Variants in HPS4 observed in about 807,000 individuals in gnomAD.
HPS4 encodes BLOC-3 complex member HPS4.
In HPS4, 44 loss-of-function variants were observed where a neutral mutation model predicts 70.3. The observed-to-expected ratio is 0.63, with a 90% CI of 0.49 to 0.80. HPS4 has a LOEUF of 0.80. Among genes scored for constraint, HPS4 ranks in the 30% least tolerant of loss-of-function variants. The probability of loss-of-function intolerance (pLI) is 0.00; values close to 1 mark genes in which losing one functional copy is unlikely to be tolerated. For missense variants in HPS4, 873 were observed against 884.4 expected (o/e 0.99, Z 0.16); for synonymous variants, 377 against 355.9 (o/e 1.06, Z -0.67).
At chr22:26,479,478 C>A in intron 2 of HPS4, 123 bp from the exon 3 acceptor site, 1 of 1,492,810 alleles carries the variant, frequency 6.7e-7, no homozygotes, top group Non-Finnish European at 8.9e-7. Flanking sequence ...CTTCAGGTGG[C>A]CCCAGAGAAT....
chr22:26,457,695 C>T (rs890212904), intron 13 of HPS4, among the ~76,000 whole-genome samples, 164 bp downstream of exon 13: 5 of 152,196 alleles, frequency 3.3e-5, no homozygotes, highest in Admixed American at 3.3e-4. Flanking sequence ...GACTGCACAA[C>T]AGTGGATGAT....
intron 13 of HPS4, 40 bp downstream of exon 13, chr22:26,457,819 C>T (rs1176911581): frequency 6.7e-7 from 1 of 1,485,490 alleles, no homozygotes; most frequent in Non-Finnish European, 9.4e-7. Flanking sequence ...ATGAGCAGGA[C>T]CGTGGAGAGT....
In HPS4 at chr22:26,465,554, G is replaced by A. The variant is rs766777074; in HGVS notation, c.707-3C>T. ...GACATTCGGGGGCAATGCCGCTCCTGGAATTGCAAAGCAATATGAACAGGA... is the reference window on the plus strand; with the variant it reads ...GACATTCGGGGGCAATGCCGCTCCTAGAATTGCAAAGCAATATGAACAGGA... On this transcript the variant is annotated splice_region_variant and splice_polypyrimidine_tract_variant and intron_variant, in intron 9 of 13. Transcript: ENST00000398145. 1.2e-6 allele frequency: 2 copies of A among 1,612,698 alleles called. No individual in the cohort carries two copies. Among genetic ancestry groups the A allele is most frequent in the East Asian group, 2.2e-5 (1 of 44,864 alleles).
chr22:26,454,665 G>A (rs1474171997), intron 13 of HPS4, among the ~76,000 whole-genome samples: 1 of 152,158 alleles, frequency 6.6e-6, no homozygotes, highest in East Asian at 1.9e-4. Flanking sequence ...CAGGACATAG[G>A]CATGGCCAAG....
chr22:26,453,352 AAT>A lies in HPS4; in HGVS notation c.2006_2007del (p.Tyr669PhefsTer62), dbSNP rs1569007552. Reference sequence around the variant, plus strand: ...CGTGCTGCAGGTGCCAGCTGCTGGAAATATGTCTCCTGGATGGGGTTGCAACA... The same window carrying A: ...CGTGCTGCAGGTGCCAGCTGCTGGAAATGTCTCCTGGATGGGGTTGCAACA... ...YACCNPIQET[Y>X]FQQLAPAARS... On this transcript the variant is annotated frameshift_variant, in exon 14 of 14. Transcript: ENST00000398145. LOFTEE classifies it high-confidence loss of function. 4 of 1,614,174 alleles carry A rather than the reference AAT, an allele frequency of 2.5e-6. No homozygotes were observed. The highest frequency in any genetic ancestry group is 3.4e-6 in the Non-Finnish European group (4 of 1,180,048).
intron 8 of HPS4, 83 bp from the exon 9 acceptor site, chr22:26,466,345 T>C (rs1569077120): frequency 6.6e-7 from 1 of 1,514,728 alleles, no homozygotes; most frequent in East Asian, 2.3e-5. Flanking sequence ...CTGTGCCATC[T>C]GTTCATAAAA....
rs778229695 is a variant in HPS4 at position 26,472,897 on chromosome 22, G to A, written c.319C>T (p.Arg107Trp). Residue 107 changes from arginine (R) to tryptophan (W), a missense_variant, in exon 5 of 14, where the codon CGG becomes TGG. By Grantham distance (101) the Arg-to-Trp change is moderately radical. Transcript: ENST00000398145. ...AATCCAACTAGCTGATCCAGAAACC[G>A]CTTGCAGCTGACATCAGGGAGCTCC... Reference protein sequence around the residue: ...AVELPDVSCKRFLDQLVGFFN... With the variant: ...AVELPDVSCKWFLDQLVGFFN... 61 of 1,614,024 alleles carry A rather than the reference G, an allele frequency of 3.8e-5. No homozygotes were observed. The highest frequency in any genetic ancestry group is 4.7e-5 in the Non-Finnish European group (55 of 1,180,036).
Position 26,453,400 on chromosome 22 carries a change from C to T in HPS4, c.1960G>A (p.Ala654Thr), listed in dbSNP as rs201206642. The change falls in exon 14 of 14, where the codon GCC becomes ACC. Residue 654 changes from alanine (A) to threonine (T), a missense_variant. Transcript: ENST00000398145. ...PALYEMTVRN[A>T]STAVYACCNP... is the part of the protein sequence containing the mutation. ...CAACAGGCGTACACAGCCGTGGAGG[C>T]ATTTCTGTTGGAGGAAGAAAGAAGG... 3 of 1,613,926 alleles carry T rather than the reference C, an allele frequency of 1.9e-6. No homozygotes were observed. The highest frequency in any genetic ancestry group is 2.5e-6 in the Non-Finnish European group (3 of 1,180,036).
rs2085402559 is a variant in HPS4 at position 26,452,671 on chromosome 22, CA to C, written c.*561del. The C allele has an allele frequency of 4.0e-6, 1 of 249,252 alleles. No homozygotes were observed. Among genetic ancestry groups the C allele is most frequent in the South Asian group, 4.6e-5 (1 of 21,870 alleles). 15.4% of individuals were successfully genotyped at this position (249,252 alleles called of 1,614,324 possible). On this transcript the variant is annotated 3_prime_UTR_variant, in exon 14 of 14. Coordinates refer to ENST00000398145, the MANE Select transcript of HPS4 (RefSeq NM_022081.6). Reference sequence around the variant, plus strand: ...GAGTAGAGTTCCAACAGAATTCAACCAAGTGGTCTCCGTGTGCTGCCGCTTC... The same window carrying C: ...GAGTAGAGTTCCAACAGAATTCAACCAGTGGTCTCCGTGTGCTGCCGCTTC...
Position 26,452,160 on chromosome 22 carries a change from C to A in HPS4, c.*1073G>T. On this transcript the variant is annotated 3_prime_UTR_variant, in exon 14 of 14. Coordinates refer to ENST00000398145, the MANE Select transcript of HPS4 (RefSeq NM_022081.6). ...GAAGCTTGTTTCAAGAAAAAGACAC[C>A]ATATCATAAACATCAGATATCAGTT... 3.0e-6 allele frequency: 1 copy of A among 328,488 alleles called. No homozygotes were observed. The highest frequency in any genetic ancestry group is 2.4e-5 in the South Asian group (1 of 42,446). 20.3% of individuals were successfully genotyped at this position (328,488 alleles called of 1,614,324 possible).
At chr22:26,466,054 T>C in intron 9 of HPS4, 172 bp downstream of exon 9, 4 of 1,545,400 alleles carry the variant, frequency 2.6e-6, no homozygotes, top group Non-Finnish European at 3.5e-6. Flanking sequence ...GCTTTACCAT[T>C]AGGGTTCTGG....
chr22:26,463,097 C>T (rs2087651563), intron 11 of HPS4, among the ~76,000 whole-genome samples: 1 of 152,202 alleles, frequency 6.6e-6, no homozygotes, highest in African/African-American at 2.4e-5. Context: ...GCAATTTCAA[C>T]CTGCTGTTCT....
In HPS4 at chr22:26,463,736, C is replaced by G. The variant is rs117069753; in HGVS notation, c.1713+181G>C. Among the ~76,000 whole-genome samples the G allele has an allele frequency of 3.4e-3, 511 of 152,356 alleles. 14 individuals are homozygous for G. In the East Asian group the frequency reaches 0.062, roughly 18 times the overall value. On this transcript the variant is annotated intron_variant, in intron 11 of 13. Coordinates refer to ENST00000398145, the MANE Select transcript of HPS4 (RefSeq NM_022081.6). ...ATGCGCTTGACTCACTCTTACCCCC[C>G]ACAAAAACCCACAGAGGCAGGTAAT... is the stretch of plus-strand genomic sequence containing the variant.
intron 11 of HPS4, among the ~76,000 whole-genome samples, chr22:26,463,439 G>C (rs2087731890): frequency 6.6e-6 from 1 of 152,192 alleles, no homozygotes; most frequent in Non-Finnish European, 1.5e-5. Flanking sequence ...CATGAGCAGG[G>C]GCGGCACAAC....
chr22:26,463,202 A>C (rs1371647814), intron 11 of HPS4, among the ~76,000 whole-genome samples: 2 of 152,146 alleles, frequency 1.3e-5, no homozygotes, highest in African/African-American at 4.8e-5. Flanking sequence ...TTACCACTCT[A>C]AGCCTCTAAG....
At chr22:26,454,839 A>G (rs1286801976) in intron 13 of HPS4, among the ~76,000 whole-genome samples, 1 of 152,194 alleles carries the variant, frequency 6.6e-6, no homozygotes, top group Non-Finnish European at 1.5e-5. Flanking sequence ...TCATCTGACA[A>G]AGGGCTAATA....
chr22:26,446,004 CACA>C (rs375116055), downstream of HPS4, among the ~76,000 whole-genome samples: 151 of 152,294 alleles, frequency 9.9e-4, 1 homozygote, highest in African/African-American at 2.9e-3. Flanking sequence ...GCTGGGCTGC[CACA>C]ACAAGCGGAA....
At chr22:26,447,405 C>G (rs148903896), downstream of HPS4, among the ~76,000 whole-genome samples, 222 of 152,280 alleles carry the variant, frequency 1.5e-3, no homozygotes, top group Middle Eastern at 6.8e-3. Flanking sequence ...CCAATAAGTG[C>G]GCCTTTTATT....
intron 4 of HPS4, chr22:26,475,347 CTTT>C (rs5844705): frequency 8.4e-5 from 8 of 95,638 alleles, no homozygotes; most frequent in Non-Finnish European, 1.4e-4. Flanking sequence ...CATTAAATTT[CTTT>C]TTTTTTTTTT....
Sources: gnomAD v4.1 joint callset for allele counts (sites outside exome capture counted in the v4.1 genomes callset) on GRCh38, gnomAD v4.1.1 for gene constraint, MANE v1.5 for transcripts, NCBI Gene and HGNC (gene_info 2026-07-23, HGNC 2026-07-21) for gene names.